Variants in STRBP observed in about 807,000 individuals in gnomAD.
STRBP encodes the protein spermatid perinuclear RNA-binding protein.
In STRBP, 13 loss-of-function variants were observed where a neutral mutation model predicts 80.1. The observed-to-expected ratio is 0.16, with a 90% CI of 0.11 to 0.26. The LOEUF (loss-of-function observed/expected upper bound fraction) is 0.26. STRBP is among the 10% of genes least tolerant of loss of function. The probability of loss-of-function intolerance (pLI) is 1.00; values close to 1 mark genes in which losing one functional copy is unlikely to be tolerated. For synonymous variants in STRBP, 284 were observed against 291.2 expected (o/e 0.98, Z 0.25); for missense variants, 485 against 815.2 (o/e 0.59, Z 4.93).
intron 11 of STRBP, among the ~76,000 whole-genome samples, chr9:123,151,410 G>T (rs2037051431): frequency 6.6e-6 from 1 of 152,022 alleles, no homozygotes; most frequent in African/African-American, 2.4e-5. Context: ...TACATTTTCA[G>T]AGCAAAAAAC....
intron 2 of STRBP, among the ~76,000 whole-genome samples, chr9:123,231,398 T>C (rs1185652416): frequency 6.6e-6 from 1 of 152,210 alleles, no homozygotes; most frequent in East Asian, 1.9e-4. Flanking sequence ...GTCTTTTAGA[T>C]TGTGAAATAT....
chr9:123,230,245 T>C (rs547208325), intron 2 of STRBP, among the ~76,000 whole-genome samples: 59 of 152,292 alleles, frequency 3.9e-4, no homozygotes, highest in African/African-American at 1.4e-3. Flanking sequence ...AGGAGGCCAA[T>C]GTGTTGCAAG....
chr9:123,142,798 C>T (rs888382669), intron 13 of STRBP, among the ~76,000 whole-genome samples: 11 of 151,914 alleles, frequency 7.2e-5, no homozygotes, highest in South Asian at 4.2e-4. Flanking sequence ...TTTGGCAGAA[C>T]CAAGTTTGTT....
Position 123,136,648 on chromosome 9 carries a change from C to G in STRBP, c.1498-133G>C, listed in dbSNP as rs1425518709. On this transcript the variant is annotated intron_variant, in intron 14 of 18. Coordinates refer to ENST00000348403, the MANE Select transcript of STRBP (RefSeq NM_018387.5). This position sits in a 1 kb window ranked among gnomAD's most constrained non-coding sequence, Gnocchi z 4.2. ...AGCACTCAGGGGCTAGAATGAGTCA[C>G]CTCTTTACACAAATGGCAAAATATC... The G allele has an allele frequency of 9.9e-7, 1 of 1,013,310 alleles. No individual in the cohort carries two copies. The highest frequency in any genetic ancestry group is 1.6e-5 in the African/African-American group (1 of 61,484). 62.8% of individuals were successfully genotyped at this position (1,013,310 alleles called of 1,614,324 possible).
chr9:123,260,021 T>C (rs2041126475), intron 1 of STRBP, among the ~76,000 whole-genome samples: 1 of 152,048 alleles, frequency 6.6e-6, no homozygotes, highest in African/African-American at 2.4e-5. Context: ...GAACTAAAGA[T>C]GAACAGAAGA....
At chr9:123,131,479 G>GTCTC (rs1312466884) in intron 17 of STRBP, among the ~76,000 whole-genome samples, 1 of 152,094 alleles carries the variant, frequency 6.6e-6, no homozygotes, top group Non-Finnish European at 1.5e-5. Context: ...GCAACACAAG[G>GTCTC]TCTCTGCACA....
At chr9:123,256,626 A>G (rs1248802040) in intron 1 of STRBP, among the ~76,000 whole-genome samples, 1 of 152,212 alleles carries the variant, frequency 6.6e-6, no homozygotes, top group Non-Finnish European at 1.5e-5. Context: ...ATGACTACTT[A>G]ATTATTCCAG....
intron 2 of STRBP, among the ~76,000 whole-genome samples, chr9:123,197,536 A>G (rs936061343): frequency 3.9e-5 from 6 of 151,980 alleles, no homozygotes; most frequent in African/African-American, 7.3e-5. Context: ...AAAATTCATT[A>G]TATCACTCCG....
rs1164701880 is a variant in STRBP, at chr9:123,136,957, C to CCT, written c.1498-444_1498-443dup. Among the ~76,000 whole-genome samples the CCT allele has an allele frequency of 6.6e-5, 10 of 152,176 alleles. No homozygotes were observed. Among genetic ancestry groups the CCT allele is most frequent in the African/African-American group, 2.2e-4 (9 of 41,430 alleles). On this transcript the variant is annotated intron_variant, in intron 14 of 18. Transcript: ENST00000348403. The surrounding 1 kb of genome is among the most constrained non-coding windows in gnomAD (Gnocchi z 4.2). ...GTTAGAGGGTAAATGTTCCCATACA[C>CCT]CTCTCAGTCACTCTAAACAGATTTA...
At chr9:123,191,965 T>TATTTTA in intron 2 of STRBP, among the ~76,000 whole-genome samples, 2 of 152,340 alleles carry the variant, frequency 1.3e-5, no homozygotes, top group South Asian at 4.1e-4. Context: ...GGAGGTTTAG[T>TATTTTA]GATCATATTC....
At chr9:123,130,232 T>C (rs1180546936) in intron 17 of STRBP, among the ~76,000 whole-genome samples, 1 of 152,164 alleles carries the variant, frequency 6.6e-6, no homozygotes, top group Non-Finnish European at 1.5e-5. Flanking sequence ...TTTAATTAAA[T>C]AATACATGTA....
chr9:123,202,311 A>T (rs986977117), intron 2 of STRBP, among the ~76,000 whole-genome samples: 3 of 152,162 alleles, frequency 2.0e-5, no homozygotes, highest in Non-Finnish European at 4.4e-5. Context: ...TGTTTTACAG[A>T]TCCTGTGGGT....
At chr9:123,251,526 C>G (rs1050496274) in intron 1 of STRBP, among the ~76,000 whole-genome samples, 3 of 152,198 alleles carry the variant, frequency 2.0e-5, no homozygotes, top group Non-Finnish European at 4.4e-5. Flanking sequence ...GATTGGAAAT[C>G]AAACCTGTCA....
intron 2 of STRBP, among the ~76,000 whole-genome samples, chr9:123,191,133 A>C (rs748238161): frequency 5.9e-5 from 9 of 152,254 alleles, no homozygotes; most frequent in Non-Finnish European, 1.2e-4. Flanking sequence ...GAAGGTGTGA[A>C]ATGCTTGGAA....
At chr9:123,254,438 T>C (rs2040980589) in intron 1 of STRBP, among the ~76,000 whole-genome samples, 1 of 127,496 alleles carries the variant, frequency 7.8e-6, no homozygotes, top group African/African-American at 2.9e-5. Flanking sequence ...TCCAGCCTGA[T>C]CACGTGAGAC....
intron 5 of STRBP, among the ~76,000 whole-genome samples, chr9:123,173,077 G>C (rs1309274061): frequency 6.6e-6 from 1 of 152,200 alleles, no homozygotes; most frequent in Non-Finnish European, 1.5e-5. Flanking sequence ...AGAATGACCA[G>C]AACCCCAGAA....
intron 2 of STRBP, among the ~76,000 whole-genome samples, chr9:123,197,032 A>G (rs1177890196): frequency 6.6e-6 from 1 of 152,254 alleles, no homozygotes; most frequent in Non-Finnish European, 1.5e-5. Context: ...TGGTACATAT[A>G]CATAATGGAG....
intron 2 of STRBP, among the ~76,000 whole-genome samples, chr9:123,204,890 C>T (rs982461845): frequency 1.5e-5 from 2 of 131,450 alleles, no homozygotes; most frequent in Non-Finnish European, 3.1e-5. Flanking sequence ...CGCCACTGCA[C>T]TCTAGCCTGG....
intron 2 of STRBP, among the ~76,000 whole-genome samples, chr9:123,224,900 G>T (rs2040186358): frequency 6.6e-6 from 1 of 152,110 alleles, no homozygotes; most frequent in South Asian, 2.1e-4. Flanking sequence ...TAAACCAGAG[G>T]ACGTGCAAAT....
Sources: allele counts gnomAD v4.1 joint callset (sites outside exome capture counted in the v4.1 genomes callset), GRCh38; gene constraint gnomAD v4.1.1; non-coding constraint Gnocchi (gnomAD v3.1); transcripts MANE v1.5; gene names NCBI Gene and HGNC (gene_info 2026-07-23, HGNC 2026-07-21).